SLC39A11: variants seen among roughly 807,000 people sequenced by gnomAD.
The protein encoded by SLC39A11 is solute carrier family 39 member 11.
In SLC39A11, 33 loss-of-function variants were observed where a neutral mutation model predicts 36.1. That is an observed-to-expected ratio of 0.91 (90% confidence interval 0.69 to 1.22). SLC39A11 has a LOEUF of 1.22. SLC39A11 is among the 50% of genes most tolerant of loss of function. The probability of loss-of-function intolerance (pLI) is 0.00; values close to 1 mark genes in which losing one functional copy is unlikely to be tolerated. For missense variants in SLC39A11, 432 were observed against 430.3 expected (o/e 1.00, Z -0.03); for synonymous variants, 166 against 170.3 (o/e 0.97, Z 0.20).
chr17:72,669,669 T>C (rs572428293), intron 7 of SLC39A11, among the ~76,000 whole-genome samples: 9 of 152,206 alleles, frequency 5.9e-5, no homozygotes, highest in African/African-American at 2.2e-4. Context: ...TTCCCTTTTA[T>C]AGTTAGTAAA....
Position 72,849,636 on chromosome 17 carries a change from G to T in SLC39A11, c.599C>A (p.Pro200Gln). 6.6e-7 allele frequency: 1 copy of T among 1,519,776 alleles called. No homozygotes were observed. Among genetic ancestry groups the T allele is most frequent in the Non-Finnish European group, 8.8e-7 (1 of 1,132,358 alleles). 94.1% of individuals were successfully genotyped at this position (1,519,776 alleles called of 1,614,324 possible). A position where few individuals can be genotyped will look rare whatever the true frequency, so the allele number is the denominator to read the frequency against. The change falls in exon 6 of 10, where the codon CCA becomes CAA. Residue 200 changes from proline (P) to glutamine (Q), a missense_variant and splice_region_variant. Transcript: ENST00000255559. ...LILAITIHNV[P>Q]EGLAVGVGFG... ...CACGCTCACGGGCAAGACCTCACCT[G>T]GAACGTTGTGTATAGTGATGGCCAA...
Position 72,729,428 on chromosome 17 carries a change from TATATATATATATATATATA to T in SLC39A11, c.671+7203_671+7221del, listed in dbSNP as rs1567994573. 3.0e-3 allele frequency among the ~76,000 whole-genome samples: 16 copies of T among 5,282 alleles called. 1 individual carries two copies. Among genetic ancestry groups the T allele is most frequent in the East Asian group, 0.016 (4 of 250 alleles). The allele number at this position is 5,282 out of a possible 152,430, so 3.5% of individuals were successfully genotyped here. On this transcript the variant is annotated intron_variant, in intron 7 of 9. Coordinates refer to ENST00000255559, the MANE Select transcript of SLC39A11 (RefSeq NM_139177.4). ...ATTTATATATATATATATATATATATATATATATATATATATATATATATATATATTTTTTTTTTTTTTT... is the reference window on the plus strand; with the variant it reads ...ATTTATATATATATATATATATATATTATATATATATTTTTTTTTTTTTTT...
intron 7 of SLC39A11, among the ~76,000 whole-genome samples, chr17:72,650,162 T>C (rs959873837): frequency 4.6e-5 from 7 of 152,206 alleles, no homozygotes; most frequent in African/African-American, 1.7e-4. Flanking sequence ...GCTCTGCAGG[T>C]CTGGCACCAT....
At chr17:72,912,308 AGGAG>A (rs1423373847) in intron 5 of SLC39A11, among the ~76,000 whole-genome samples, 5 of 152,116 alleles carry the variant, frequency 3.3e-5, no homozygotes, top group African/African-American at 1.2e-4. Flanking sequence ...CCCACCAAGC[AGGAG>A]GCATTACAAC....
chr17:72,889,156 A>G (rs1230277541), intron 5 of SLC39A11, among the ~76,000 whole-genome samples: 1 of 152,236 alleles, frequency 6.6e-6, no homozygotes, highest in East Asian at 1.9e-4. Flanking sequence ...AATATCTATT[A>G]GCCATACTTA....
intron 5 of SLC39A11, among the ~76,000 whole-genome samples, chr17:72,937,348 C>T (rs966187134): frequency 2.0e-4 from 31 of 152,138 alleles, no homozygotes; most frequent in African/African-American, 4.1e-4. Context: ...CCAGCTACTC[C>T]GGAGACTGAG....
At position 72,889,696 on chromosome 17, in the gene SLC39A11, C is replaced by T. The variant is rs527911485; in HGVS notation, c.431-39892G>A. Among the ~76,000 whole-genome samples, 19 of 152,308 alleles carry T rather than the reference C, an allele frequency of 1.2e-4. No homozygotes were observed. The South Asian group carries it at 3.9e-3, about 32-fold the overall frequency. ...AATTTTCAACAGCACATAATTTTTA[C>T]TTCCATCTAAATTAAGATTTGGCTG... On this transcript the variant is annotated intron_variant, in intron 5 of 9. Transcript: ENST00000255559.
At chr17:72,996,845 T>C (rs1474299031) in intron 4 of SLC39A11, among the ~76,000 whole-genome samples, 2 of 152,098 alleles carry the variant, frequency 1.3e-5, no homozygotes, top group Non-Finnish European at 2.9e-5. Context: ...TAGCCAGTGG[T>C]ATGTGGATGG....
At chr17:72,717,118 G>GTATATATGTATATACTTATATGTGTA (rs1567979350) in intron 7 of SLC39A11, among the ~76,000 whole-genome samples, 5 of 120,906 alleles carry the variant, frequency 4.1e-5, no homozygotes, top group East Asian at 5.3e-4. Context: ...ATGTATATAT[G>GTATATATGTATATACTTATATGTGTA]TATATATGTA....
At chr17:72,738,428 G>A (rs1272015698) in intron 6 of SLC39A11, among the ~76,000 whole-genome samples, 1 of 152,162 alleles carries the variant, frequency 6.6e-6, no homozygotes, top group African/African-American at 2.4e-5. Context: ...GTGCAGCGTG[G>A]GGCTAGACAA....
chr17:72,988,564 CT>C (rs1357414019), intron 4 of SLC39A11, among the ~76,000 whole-genome samples: 3 of 149,078 alleles, frequency 2.0e-5, no homozygotes, highest in African/African-American at 2.5e-5. Flanking sequence ...TCTTATTCCA[CT>C]TTTTTTTTTA....
Position 72,771,884 on chromosome 17 carries a change from G to A in SLC39A11, c.602-35165C>T, listed in dbSNP as rs996244487. On this transcript the variant is annotated intron_variant, in intron 6 of 9. Transcript: ENST00000255559. Reference sequence around the variant, plus strand: ...GAGATGGTGTTAAAGACTTGGGGTGGGGAAGGAAGGGCAAGGCACAGAGGC... The same window carrying A: ...GAGATGGTGTTAAAGACTTGGGGTGAGGAAGGAAGGGCAAGGCACAGAGGC... Among the ~76,000 whole-genome samples the A allele has an allele frequency of 3.3e-5, 5 of 152,264 alleles. No homozygotes were observed. In the East Asian group the frequency reaches 5.8e-4, roughly 18 times the overall value.
intron 7 of SLC39A11, among the ~76,000 whole-genome samples, chr17:72,704,816 C>G (rs1439792963): frequency 6.6e-6 from 1 of 152,192 alleles, no homozygotes; most frequent in African/African-American, 2.4e-5. Context: ...GGGTGCAACT[C>G]CATCTCTCTA....
chr17:73,032,777 A>G (rs2058779017), intron 3 of SLC39A11, among the ~76,000 whole-genome samples: 1 of 152,220 alleles, frequency 6.6e-6, no homozygotes. Flanking sequence ...TTATCTCTAA[A>G]AAGGACGAAG....
intron 3 of SLC39A11, among the ~76,000 whole-genome samples, chr17:73,070,235 C>T (rs575858162): frequency 2.0e-4 from 31 of 152,262 alleles, no homozygotes; most frequent in East Asian, 5.8e-4. Context: ...ATCCCATGAC[C>T]GACTGGAAAA....
intron 5 of SLC39A11, among the ~76,000 whole-genome samples, chr17:72,924,039 A>T (rs1051354259): frequency 6.6e-6 from 1 of 150,874 alleles, no homozygotes; most frequent in Non-Finnish European, 1.5e-5. Flanking sequence ...CCCAGGTACT[A>T]GGGAAGCTGA....
At chr17:73,053,041 C>G (rs1184824266) in intron 3 of SLC39A11, among the ~76,000 whole-genome samples, 1 of 152,146 alleles carries the variant, frequency 6.6e-6, no homozygotes, top group Admixed American at 6.6e-5. Flanking sequence ...TTAATGTATT[C>G]TAATCTTTTT....
intron 5 of SLC39A11, among the ~76,000 whole-genome samples, chr17:72,873,761 G>A (rs1030801917): frequency 5.9e-5 from 9 of 152,038 alleles, no homozygotes; most frequent in African/African-American, 1.2e-4. Context: ...ACTGGGTTTC[G>A]CTCCCAGAAA....
chr17:72,977,199 C>G (rs1023789083), intron 4 of SLC39A11, among the ~76,000 whole-genome samples: 1 of 152,134 alleles, frequency 6.6e-6, no homozygotes, highest in Non-Finnish European at 1.5e-5. Flanking sequence ...AGCAGGGAGC[C>G]ACATGGGAAG....
Sources: gnomAD v4.1 joint callset for allele counts (sites outside exome capture counted in the v4.1 genomes callset) on GRCh38, gnomAD v4.1.1 for gene constraint, MANE v1.5 for transcripts, NCBI Gene and HGNC (gene_info 2026-07-23, HGNC 2026-07-21) for gene names.